MACF1: variants seen among roughly 807,000 people sequenced by gnomAD.
MACF1 encodes microtubule-actin cross-linking factor 1.
Under a neutral mutation model 854.8 loss-of-function variants are expected in MACF1, and 193 were observed. The observed-to-expected ratio is 0.23, with a 90% CI of 0.20 to 0.25. The LOEUF (loss-of-function observed/expected upper bound fraction) is 0.25. Ranked by LOEUF, MACF1 falls within the 10% of genes least tolerant of loss-of-function variation. The pLI is 1.00. For missense variants in MACF1, 7,722 were observed against 8,929.1 expected, an observed-to-expected ratio of 0.86 and a Z score of 5.45; for synonymous variants, 3,185 against 3,226.7, an observed-to-expected ratio of 0.99 and a Z score of 0.44.
chr1:39,154,557 G>A (rs1406280261), intron 2 of MACF1, among the ~76,000 whole-genome samples: 3 of 152,044 alleles, frequency 2.0e-5, no homozygotes, highest in Non-Finnish European at 2.9e-5. Context: ...GATTTCTAGG[G>A]GGCTTTGGGG....
intron 2 of MACF1, among the ~76,000 whole-genome samples, chr1:39,110,096 G>A (rs1044509614): frequency 4.6e-5 from 7 of 152,076 alleles, no homozygotes; most frequent in Non-Finnish European, 1.0e-4. Flanking sequence ...AGTACAAAAT[G>A]ATGAAATTTT....
chr1:39,387,710 C>T lies in MACF1; in HGVS notation c.14868C>T (p.Arg4956=). Residue 4956 remains arginine (R), a synonymous_variant, in exon 58 of 101, where the codon CGC becomes CGT. Transcript: ENST00000564288. ...TGCTGAATGAGGTGGAGAAGCGCCG[C>T]TCCCTGCTGGAAATATTGAATAGTG... The part of the protein sequence containing the change: ...KAMLNEVEKR[R]SLLEILNSAA... 1 of 1,614,190 alleles carries T rather than the reference C, an allele frequency of 6.2e-7. No individual in the cohort carries two copies. The highest frequency in any genetic ancestry group is 8.5e-7 in the Non-Finnish European group (1 of 1,180,040).
intron 2 of MACF1, among the ~76,000 whole-genome samples, chr1:39,117,039 G>C (rs1237484479): frequency 6.6e-6 from 1 of 152,160 alleles, no homozygotes; most frequent in Non-Finnish European, 1.5e-5. Flanking sequence ...GGAAAATGCA[G>C]CCTCCTTCTT....
At position 39,436,701 on chromosome 1, in the gene MACF1, A is replaced by C. The variant is rs558389338; in HGVS notation, c.17988+940A>C. Among the ~76,000 whole-genome samples the C allele has an allele frequency of 2.0e-5, 3 of 152,306 alleles. No individual in the cohort carries two copies. The South Asian group carries it at 6.2e-4, about 32-fold the overall frequency. On this transcript the variant is annotated intron_variant, in intron 70 of 100. Transcript: ENST00000564288. Reference sequence around the variant, plus strand: ...TCCCACCATGTTTTTTCTATAGGACACTTGAAATTGATAAGCCTTTCTTTA... The same window carrying C: ...TCCCACCATGTTTTTTCTATAGGACCCTTGAAATTGATAAGCCTTTCTTTA...
At chr1:39,298,982 C>G (rs1219811291) in intron 21 of MACF1, among the ~76,000 whole-genome samples, 2 of 152,106 alleles carry the variant, frequency 1.3e-5, no homozygotes, top group Non-Finnish European at 2.9e-5. Flanking sequence ...TCACCTGGGT[C>G]TGCTCCTCAG....
chr1:39,346,084 C>T lies in MACF1; in HGVS notation c.10582-893C>T, dbSNP rs191521871. Among the ~76,000 whole-genome samples the T allele has an allele frequency of 2.7e-3, 403 of 146,650 alleles. 3 individuals are homozygous for T. Among genetic ancestry groups the T allele is most frequent in the Non-Finnish European group, 4.5e-3 (300 of 66,718 alleles). The stretch of plus-strand genomic sequence containing the variant: ...ACTCTGTTTGAAAAAAAAAAAAAGG[C>T]CAGGCATGGTGGCTCACGCCTGTAA... On this transcript the variant is annotated intron_variant, in intron 40 of 100. Coordinates refer to ENST00000564288, the MANE Select transcript of MACF1 (RefSeq NM_001394062.1).
At chr1:39,472,252 A>C (rs1458742036) in intron 97 of MACF1, among the ~76,000 whole-genome samples, 1 of 152,188 alleles carries the variant, frequency 6.6e-6, no homozygotes, top group Non-Finnish European at 1.5e-5. Context: ...ATTTGAATCA[A>C]TGTAAATATT....
At chr1:39,252,944 A>C (rs1430082651) in intron 4 of MACF1, among the ~76,000 whole-genome samples, 2 of 152,104 alleles carry the variant, frequency 1.3e-5, no homozygotes, top group East Asian at 3.8e-4. Context: ...TGCCCATTTT[A>C]ATTTGGAGCA....
At chr1:39,414,556 A>AT (rs776357534) in intron 58 of MACF1, 4 of 1,575,064 alleles carry the variant, frequency 2.5e-6, no homozygotes, top group Non-Finnish European at 3.5e-6. Context: ...GTGATGAGAA[A>AT]TGGCACAGAT....
intron 29 of MACF1, among the ~76,000 whole-genome samples, chr1:39,318,193 A>G (rs931491831): frequency 1.3e-5 from 2 of 152,070 alleles, no homozygotes; most frequent in African/African-American, 4.8e-5. Flanking sequence ...AAATTTGACA[A>G]GGATTATTGT....
chr1:39,356,674 C>G (rs1430601142), intron 44 of MACF1, among the ~76,000 whole-genome samples: 5 of 152,166 alleles, frequency 3.3e-5, no homozygotes, highest in African/African-American at 4.8e-5. Context: ...CCTGGCCAAA[C>G]TTACAATTTT....
intron 68 of MACF1, 88 bp downstream of exon 68, chr1:39,433,243 T>C: frequency 1.3e-6 from 1 of 750,094 alleles, no homozygotes; most frequent in Non-Finnish European, 2.2e-6. Flanking sequence ...GTTTAAGGCT[T>C]TTTCCCTCCT....
rs1643893848 is a variant in MACF1 at position 39,432,599 on chromosome 1, T to G, written c.17402T>G (p.Leu5801Arg). ...GAAACAAAACGGAAACTGATGGCTC[T>G]GGGTCCAATTCGCCTGGAACAGGAC... is the stretch of plus-strand genomic sequence containing the variant. ...VAETKRKLMA[L>R]GPIRLEQDQT... The change falls in exon 67 of 101, where the codon CTG becomes CGG. Residue 5801 changes from leucine (L) to arginine (R), a missense_variant. Physicochemically the swap from Leu to Arg is moderately radical, Grantham distance 102. Coordinates refer to ENST00000564288, the MANE Select transcript of MACF1 (RefSeq NM_001394062.1). 6.2e-7 allele frequency: 1 copy of G among 1,614,084 alleles called. No individual in the cohort carries two copies. The highest frequency in any genetic ancestry group is 1.1e-5 in the South Asian group (1 of 91,084).
intron 58 of MACF1, among the ~76,000 whole-genome samples, chr1:39,393,196 A>AAAATATAT (rs57576149): frequency 6.2e-4 from 41 of 66,560 alleles, no homozygotes; most frequent in African/African-American, 1.7e-3. Flanking sequence ...AAAAAAAAAA[A>AAAATATAT]ATATATATAT....
chr1:39,155,839 C>T (rs1382246611), intron 2 of MACF1, among the ~76,000 whole-genome samples: 2 of 152,136 alleles, frequency 1.3e-5, no homozygotes, highest in African/African-American at 4.8e-5. Flanking sequence ...CCTGCCTCAG[C>T]CTCCCAAATA....
At chr1:39,122,462 C>T (rs1021842202) in intron 2 of MACF1, among the ~76,000 whole-genome samples, 1 of 151,936 alleles carries the variant, frequency 6.6e-6, no homozygotes, top group Non-Finnish European at 1.5e-5. Flanking sequence ...ACCATCTTGG[C>T]CAGGCTAGTC....
chr1:39,362,509 T>C (rs1182593119), intron 49 of MACF1, among the ~76,000 whole-genome samples: 2 of 152,216 alleles, frequency 1.3e-5, no homozygotes, highest in Non-Finnish European at 2.9e-5. Flanking sequence ...AAAGAGAGTA[T>C]CATTATGGGC....
intron 1 of MACF1, among the ~76,000 whole-genome samples, chr1:39,209,044 G>C (rs931881885): frequency 6.6e-6 from 1 of 150,740 alleles, no homozygotes; most frequent in Non-Finnish European, 1.5e-5. Context: ...CTGAGGTCAG[G>C]AGTTCGAGAC....
chr1:39,462,549 CAA>C (rs11304821), intron 93 of MACF1, among the ~76,000 whole-genome samples: 479 of 137,892 alleles, frequency 3.5e-3, no homozygotes, highest in Admixed American at 3.4e-3. Flanking sequence ...TCCCCCCCGC[CAA>C]AAAAAAAAAA....
Sources: gnomAD v4.1 joint callset for allele counts (sites outside exome capture counted in the v4.1 genomes callset) on GRCh38, gnomAD v4.1.1 for gene constraint, MANE v1.5 for transcripts, NCBI Gene and HGNC (gene_info 2026-07-23, HGNC 2026-07-21) for gene names.